UNC5B: variants seen among roughly 807,000 people sequenced by gnomAD.
UNC5B encodes the protein unc-5 netrin receptor B.
Under a neutral mutation model 103.7 loss-of-function variants are expected in UNC5B, and 56 were observed. The observed-to-expected ratio is 0.54, with a 90% CI of 0.44 to 0.67. The LOEUF (loss-of-function observed/expected upper bound fraction) is 0.67, where lower values mean the gene tolerates loss of function less well. UNC5B is among the 30% of genes least tolerant of loss of function. The pLI is 0.00. For synonymous variants in UNC5B, 577 were observed against 542.0 expected, an observed-to-expected ratio of 1.06 and a Z score of -0.90; for missense variants, 1,194 against 1,284.5, an observed-to-expected ratio of 0.93 and a Z score of 1.08.
intron 4 of UNC5B, 94 bp from the exon 5 acceptor site, chr10:71,286,595 G>T (rs1010488212): frequency 6.7e-7 from 1 of 1,502,250 alleles, no homozygotes; most frequent in Non-Finnish European, 9.1e-7. Context: ...TCACTGCCAC[G>T]ACTATGGCGT....
chr10:71,259,397 A>T (rs1347546733), intron 1 of UNC5B, among the ~76,000 whole-genome samples: 1 of 152,108 alleles, frequency 6.6e-6, no homozygotes, highest in African/African-American at 2.4e-5. Flanking sequence ...AAAAAAAAAA[A>T]AAAAGGAAAA....
chr10:71,226,380 G>A (rs941244767), intron 1 of UNC5B, among the ~76,000 whole-genome samples: 4 of 152,176 alleles, frequency 2.6e-5, no homozygotes, highest in African/African-American at 7.2e-5. Context: ...CAGCCCATAA[G>A]CATTTTTAAT....
rs192362942 is a variant in UNC5B, at chr10:71,216,761, G to A, written c.79+3697G>A. Among the ~76,000 whole-genome samples, 821 of 152,274 alleles carry A rather than the reference G, an allele frequency of 5.4e-3. 9 individuals carry two copies. The highest frequency in any genetic ancestry group is 0.018 in the African/African-American group (757 of 41,552). ...CTGCCTCCTACGCCCCATTCCCTGAGCCACAGAGGTTTTCTAAGGAGGTTT... is the reference window on the plus strand; with the variant it reads ...CTGCCTCCTACGCCCCATTCCCTGAACCACAGAGGTTTTCTAAGGAGGTTT... On this transcript the variant is annotated intron_variant, in intron 1 of 16. Transcript: ENST00000335350.
At chr10:71,244,785 C>A (rs1040775015) in intron 1 of UNC5B, among the ~76,000 whole-genome samples, 1 of 152,232 alleles carries the variant, frequency 6.6e-6, no homozygotes, top group African/African-American at 2.4e-5. Flanking sequence ...TGTGTGCATG[C>A]ATGCATGCCT....
intron 1 of UNC5B, among the ~76,000 whole-genome samples, chr10:71,221,492 T>C (rs1361988712): frequency 6.6e-6 from 1 of 152,198 alleles, no homozygotes; most frequent in Non-Finnish European, 1.5e-5. Flanking sequence ...ATGTAGGGTA[T>C]CAGAACACCA....
chr10:71,289,210 C>T (rs947531561), intron 8 of UNC5B, among the ~76,000 whole-genome samples: 1 of 152,240 alleles, frequency 6.6e-6, no homozygotes, highest in African/African-American at 2.4e-5. Context: ...GGGCACCCTA[C>T]TGAGCCTCCT....
chr10:71,286,545 T>A, intron 4 of UNC5B, 144 bp from the exon 5 acceptor site: 1 of 1,060,110 alleles, frequency 9.4e-7, no homozygotes, highest in South Asian at 1.5e-5. Context: ...ACCCCAGAGC[T>A]GTACAGTGTC....
intron 14 of UNC5B, 113 bp from the exon 15 acceptor site, chr10:71,296,465 G>A (rs1392862337): frequency 4.0e-6 from 5 of 1,246,296 alleles, no homozygotes; most frequent in Non-Finnish European, 5.5e-6. Flanking sequence ...CCCTATCTGG[G>A]TGGAGAGGCC....
At chr10:71,295,641 A>C (rs1845387604) in intron 13 of UNC5B, among the ~76,000 whole-genome samples, 170 bp from the exon 14 acceptor site, 2 of 152,150 alleles carry the variant, frequency 1.3e-5, no homozygotes, top group Admixed American at 1.3e-4. Flanking sequence ...CTGTCTGTCT[A>C]TCCATCCGTC....
At chr10:71,269,843 T>C (rs1844603787) in intron 1 of UNC5B, among the ~76,000 whole-genome samples, 1 of 151,872 alleles carries the variant, frequency 6.6e-6, no homozygotes, top group African/African-American at 2.4e-5. Context: ...AAGAGAATGG[T>C]GCATTTTCAC....
intron 1 of UNC5B, among the ~76,000 whole-genome samples, chr10:71,261,155 C>G (rs1844409531): frequency 6.6e-6 from 1 of 152,196 alleles, no homozygotes; most frequent in Non-Finnish European, 1.5e-5. Flanking sequence ...ATAAGGGCCC[C>G]TCAGTTCTTT....
At chr10:71,215,049 T>C (rs545848423) in intron 1 of UNC5B, among the ~76,000 whole-genome samples, 2 of 152,352 alleles carry the variant, frequency 1.3e-5, no homozygotes, top group Non-Finnish European at 1.5e-5. Context: ...CCAGAATGTG[T>C]GGCCCTTAGA....
chr10:71,298,141 C>T, intron 16 of UNC5B, 51 bp downstream of exon 16: 2 of 1,535,382 alleles, frequency 1.3e-6, no homozygotes, highest in Non-Finnish European at 1.8e-6. Context: ...TCCTCAAGGT[C>T]TCACAGGGGC....
rs751073316 is a variant in UNC5B at position 71,292,481 on chromosome 10, G to A, written c.1699G>A (p.Val567Met). 5 of 1,599,068 alleles carry A rather than the reference G, an allele frequency of 3.1e-6. No homozygotes were observed. The highest frequency in any genetic ancestry group is 2.7e-5 in the African/African-American group (2 of 74,744). The change falls in exon 11 of 17, where the codon GTG becomes ATG. Residue 567 changes from valine (V) to methionine (M), a missense_variant. Coordinates refer to ENST00000335350, the MANE Select transcript of UNC5B (RefSeq NM_170744.5). Reference sequence around the variant, plus strand: ...TCTCCCCCTAGGGGTCAGCTTGCTGGTGCCCAATGGAGCCATTCCCCAGGG... The same window carrying A: ...TCTCCCCCTAGGGGTCAGCTTGCTGATGCCCAATGGAGCCATTCCCCAGGG... ...SIPGTGVSLLVPNGAIPQGKF... is the reference protein window; with the variant it reads ...SIPGTGVSLLMPNGAIPQGKF...
chr10:71,298,144 A>C, intron 16 of UNC5B, 54 bp downstream of exon 16: 36 of 1,534,112 alleles, frequency 2.3e-5, no homozygotes, highest in Non-Finnish European at 3.1e-5. Flanking sequence ...TCAAGGTCTC[A>C]CAGGGGCAGG....
intron 13 of UNC5B, among the ~76,000 whole-genome samples, 198 bp from the exon 14 acceptor site, chr10:71,295,613 A>G (rs148671005): frequency 1.3e-5 from 2 of 152,262 alleles, no homozygotes; most frequent in Non-Finnish European, 2.9e-5. Flanking sequence ...AGATTCATTC[A>G]TCTAGTCATC....
intron 1 of UNC5B, among the ~76,000 whole-genome samples, chr10:71,248,865 T>TCACACA (rs747811881): frequency 1.4e-5 from 2 of 143,096 alleles, no homozygotes; most frequent in African/African-American, 2.7e-5. Context: ...TCTCTCTCTC[T>TCACACA]CTCACACACA....
At chr10:71,251,577 A>G (rs1306126696) in intron 1 of UNC5B, among the ~76,000 whole-genome samples, 1 of 152,200 alleles carries the variant, frequency 6.6e-6, no homozygotes, top group Non-Finnish European at 1.5e-5. Context: ...GGTGGTGTCT[A>G]CTTTAATAAA....
chr10:71,219,726 G>A (rs989030374), intron 1 of UNC5B, among the ~76,000 whole-genome samples: 2 of 152,238 alleles, frequency 1.3e-5, no homozygotes, highest in African/African-American at 2.4e-5. Context: ...TCGAGGAGGT[G>A]CTGTCTGTAA....
Sources: allele counts gnomAD v4.1 joint callset (sites outside exome capture counted in the v4.1 genomes callset), GRCh38; gene constraint gnomAD v4.1.1; transcripts MANE v1.5; gene names NCBI Gene and HGNC (gene_info 2026-07-23, HGNC 2026-07-21).